FIGN: variants seen among roughly 807,000 people sequenced by gnomAD.
The protein encoded by FIGN is fidgetin.
In FIGN, 11 loss-of-function variants were observed where a neutral mutation model predicts 51.3. The observed-to-expected ratio is 0.21, with a 90% CI of 0.13 to 0.35. The LOEUF (loss-of-function observed/expected upper bound fraction) is 0.35, where lower values mean the gene tolerates loss of function less well. FIGN is among the 10% of genes least tolerant of loss of function. The pLI is 1.00. For missense variants in FIGN, 857 were observed against 943.6 expected, an observed-to-expected ratio of 0.91 and a Z score of 1.20; for synonymous variants, 407 against 363.2, an observed-to-expected ratio of 1.12 and a Z score of -1.37.
At chr2:163,714,514 G>T (rs1684638985) in intron 2 of FIGN, among the ~76,000 whole-genome samples, 1 of 152,098 alleles carries the variant, frequency 6.6e-6, no homozygotes, top group African/African-American at 2.4e-5. Context: ...ACCTGTTCAG[G>T]AATTCTGCCT....
At chr2:163,661,784 T>C (rs149464122) in intron 2 of FIGN, among the ~76,000 whole-genome samples, 3,090 of 152,220 alleles carry the variant, frequency 0.02, 101 homozygotes, top group African/African-American at 0.07. Flanking sequence ...GTTTCTGCTT[T>C]TTCTTCTTCC....
At chr2:163,692,045 T>C (rs1191523431) in intron 2 of FIGN, among the ~76,000 whole-genome samples, 4 of 152,196 alleles carry the variant, frequency 2.6e-5, no homozygotes, top group Admixed American at 2.6e-4. Flanking sequence ...AACATTACTG[T>C]CTTAGCAAAC....
intron 2 of FIGN, among the ~76,000 whole-genome samples, chr2:163,732,992 C>T (rs1317622632): frequency 6.6e-6 from 1 of 152,048 alleles, no homozygotes; most frequent in Non-Finnish European, 1.5e-5. Context: ...TCCTTTAGGC[C>T]GCACATTTGA....
Position 163,707,689 on chromosome 2 carries a change from T to G in FIGN, c.25+27214A>C, listed in dbSNP as rs560691026. On this transcript the variant is annotated intron_variant, in intron 2 of 2. Coordinates refer to ENST00000333129, the MANE Select transcript of FIGN (RefSeq NM_018086.4). ...ATTTTACCCTAATTTTCAAACAACT[T>G]GGCAGTGATCTATTTATGGAAATGG... Among the ~76,000 whole-genome samples the G allele has an allele frequency of 7.8e-4, 118 of 152,222 alleles. No individual in the cohort carries two copies. The South Asian group carries it at 0.016, about 21-fold the overall frequency.
chr2:163,711,835 A>G (rs1684593108), intron 2 of FIGN, among the ~76,000 whole-genome samples: 1 of 152,174 alleles, frequency 6.6e-6, no homozygotes, highest in Non-Finnish European at 1.5e-5. Context: ...GAGGAAATGC[A>G]TATTTAGAAA....
At chr2:163,670,554 A>G (rs1255107509) in intron 2 of FIGN, among the ~76,000 whole-genome samples, 2 of 152,200 alleles carry the variant, frequency 1.3e-5, no homozygotes, top group Non-Finnish European at 2.9e-5. Context: ...TAGCTTATCG[A>G]TAGCTTACTT....
chr2:163,629,909 G>C (rs1250440530), intron 2 of FIGN, among the ~76,000 whole-genome samples: 3 of 146,496 alleles, frequency 2.0e-5, no homozygotes, highest in African/African-American at 7.6e-5. Flanking sequence ...ATGGCATCAA[G>C]AGGATGTATG....
rs1187720342 is a variant in FIGN at position 163,605,769 on chromosome 2, A to G, written c.*3783T>C. On this transcript the variant is annotated 3_prime_UTR_variant, in exon 3 of 3. Coordinates refer to ENST00000333129, the MANE Select transcript of FIGN (RefSeq NM_018086.4). Reference sequence around the variant, plus strand: ...CTAAGAAACATGAGAATGTGAGTACAGAAGTCTCTTTCTGCTTGGAGTTGG... The same window carrying G: ...CTAAGAAACATGAGAATGTGAGTACGGAAGTCTCTTTCTGCTTGGAGTTGG... 1.3e-5 allele frequency: 2 copies of G among 152,100 alleles called. No individual in the cohort carries two copies. The highest frequency in any genetic ancestry group is 2.4e-5 in the African/African-American group (1 of 41,434). The allele number at this position is 152,100 out of a possible 1,614,324, so 9.4% of individuals were successfully genotyped here.
chr2:163,731,464 A>C (rs1042426711), intron 2 of FIGN, among the ~76,000 whole-genome samples: 1 of 152,114 alleles, frequency 6.6e-6, no homozygotes, highest in Non-Finnish European at 1.5e-5. Context: ...GCACTCTTGT[A>C]TATCTATCAG....
chr2:163,734,138 A>T (rs1684975154), intron 2 of FIGN, among the ~76,000 whole-genome samples: 1 of 151,714 alleles, frequency 6.6e-6, no homozygotes, highest in African/African-American at 2.4e-5. Flanking sequence ...TAAAGAAAGG[A>T]AAGAGCGATT....
At chr2:163,699,775 A>AT (rs1553501757) in intron 2 of FIGN, among the ~76,000 whole-genome samples, 1 of 152,136 alleles carries the variant, frequency 6.6e-6, no homozygotes. Flanking sequence ...CTGTACAGAA[A>AT]TTTTTTTGGT....
rs1204185595 is a variant in FIGN at position 163,603,377 on chromosome 2, A to G, written c.*6175T>C. 1.3e-5 allele frequency: 2 copies of G among 152,128 alleles called. No homozygotes were observed. The highest frequency in any genetic ancestry group is 2.9e-5 in the Non-Finnish European group (2 of 68,002). The allele number at this position is 152,128 out of a possible 1,614,324, so 9.4% of individuals were successfully genotyped here. ...GCGTATTGTTTCAATTTAAGCAAAT[A>G]AAATCAATATGGTCAGGGAAGCAAA... On this transcript the variant is annotated 3_prime_UTR_variant, in exon 3 of 3. Coordinates refer to ENST00000333129, the MANE Select transcript of FIGN (RefSeq NM_018086.4).
At chr2:163,645,520 G>A (rs999181763) in intron 2 of FIGN, among the ~76,000 whole-genome samples, 3 of 152,132 alleles carry the variant, frequency 2.0e-5, no homozygotes, top group Non-Finnish European at 2.9e-5. Flanking sequence ...TATGGCTTCT[G>A]GGGAAAATTC....
At chr2:163,647,795 TTA>T (rs961969812) in intron 2 of FIGN, among the ~76,000 whole-genome samples, 2 of 152,204 alleles carry the variant, frequency 1.3e-5, no homozygotes, top group African/African-American at 2.4e-5. Flanking sequence ...TGAAATATTT[TTA>T]TGTTAGATGT....
chr2:163,659,666 T>G (rs938411191), intron 2 of FIGN, among the ~76,000 whole-genome samples: 1 of 152,180 alleles, frequency 6.6e-6, no homozygotes, highest in East Asian at 1.9e-4. Context: ...TTCTAAAAAG[T>G]GAAAGAATAG....
rs1691246113 is a variant in FIGN at position 163,611,146 on chromosome 2, G to T, written c.686C>A (p.Pro229Gln). 6.2e-7 allele frequency: 1 copy of T among 1,614,036 alleles called. No individual in the cohort carries two copies. The highest frequency in any genetic ancestry group is 1.7e-5 in the Admixed American group (1 of 60,002). Residue 229 changes from proline to glutamine, a missense_variant, in exon 3 of 3, where the codon CCA (proline) becomes CAA (glutamine). Physicochemically the swap from Pro to Gln is moderately conservative, Grantham distance 76 (BLOSUM62 -1). This residue lies in a region of FIGN where 799 missense variants were observed against 849.5 expected (regional missense o/e 0.94). Transcript: ENST00000333129. Reference protein sequence around the residue: ...LLQPPPPPPPPPALVPGYNGT... With the variant: ...LLQPPPPPPPQPALVPGYNGT... The stretch of plus-strand genomic sequence containing the variant: ...ATTGTAGCCTGGGACCAAGGCTGGT[G>T]GCGGAGGAGGTGGTGGTGGGGGCTG...
intron 2 of FIGN, among the ~76,000 whole-genome samples, chr2:163,663,112 G>C (rs1392224667): frequency 6.6e-6 from 1 of 151,920 alleles, no homozygotes; most frequent in Non-Finnish European, 1.5e-5. Context: ...GTAGAGATGG[G>C]GTTTCACCAT....
intron 2 of FIGN, among the ~76,000 whole-genome samples, chr2:163,659,270 G>T (rs72867786): frequency 0.018 from 2,710 of 152,196 alleles, 44 homozygotes; most frequent in Non-Finnish European, 0.028. Context: ...AGAGCCTCTG[G>T]AAGAAATTTG....
At chr2:163,677,083 T>C (rs941768695) in intron 2 of FIGN, among the ~76,000 whole-genome samples, 1 of 152,224 alleles carries the variant, frequency 6.6e-6, no homozygotes, top group East Asian at 1.9e-4. Flanking sequence ...GCACGTGTAC[T>C]TTAAGCCAAA....
Sources: allele counts gnomAD v4.1 joint callset (sites outside exome capture counted in the v4.1 genomes callset), GRCh38; gene constraint gnomAD v4.1.1; regional missense constraint gnomAD v4.1.1; transcripts MANE v1.5; gene names NCBI Gene and HGNC (gene_info 2026-07-23, HGNC 2026-07-21).